The following ROBO2 variants were observed in gnomAD, a reference collection of about 807,000 sequenced individuals.
The protein encoded by ROBO2 is roundabout guidance receptor 2.
A neutral mutation model predicts 160.8 loss-of-function variants in ROBO2; 53 were observed. The observed-to-expected ratio is 0.33, with a 90% CI of 0.26 to 0.41. ROBO2 has a LOEUF of 0.41. Ranked by LOEUF, ROBO2 falls within the 10% of genes least tolerant of loss-of-function variation. The pLI, the probability that ROBO2 is intolerant of heterozygous loss-of-function variation, is 1.00. For missense variants in ROBO2, 1,577 were observed against 1,722.4 expected (o/e 0.92, Z 1.49); for synonymous variants, 664 against 611.7 (o/e 1.09, Z -1.26).
chr3:76,811,885 T>TTC (rs2065222142), intron 2 of ROBO2, among the ~76,000 whole-genome samples: 1 of 114,664 alleles, frequency 8.7e-6, no homozygotes, highest in Non-Finnish European at 1.8e-5. Context: ...TTCCTTCCTT[T>TTC]TTTGAGATGG....
intron 2 of ROBO2, among the ~76,000 whole-genome samples, chr3:75,955,334 A>T (rs770481021): frequency 4.0e-5 from 6 of 151,800 alleles, no homozygotes; most frequent in Non-Finnish European, 7.4e-5. Context: ...AGAACTTTGC[A>T]TAGAATATAA....
intron 2 of ROBO2, among the ~76,000 whole-genome samples, chr3:76,683,547 A>G (rs1003255005): frequency 4.0e-5 from 6 of 151,780 alleles, no homozygotes; most frequent in Admixed American, 3.3e-4. Flanking sequence ...GTTTCTTCAA[A>G]TTCATTACCT....
chr3:75,920,699 A>T (rs142279622), intron 1 of ROBO2, among the ~76,000 whole-genome samples: 1 of 152,092 alleles, frequency 6.6e-6, no homozygotes. Flanking sequence ...TCATTTTATG[A>T]ATCCTGGTGC....
intron 2 of ROBO2, among the ~76,000 whole-genome samples, chr3:76,739,173 A>T: frequency 6.6e-6 from 1 of 152,178 alleles, no homozygotes; most frequent in Non-Finnish European, 1.5e-5. Flanking sequence ...ATAAAGACAC[A>T]CGCACACATA....
At chr3:77,624,837 G>A (rs929038016) in intron 23 of ROBO2, among the ~76,000 whole-genome samples, 4 of 152,052 alleles carry the variant, frequency 2.6e-5, no homozygotes, top group African/African-American at 7.2e-5. Context: ...GGCAGCATGG[G>A]TTACACAGTC....
chr3:77,418,540 A>G (rs2077445595), intron 2 of ROBO2, among the ~76,000 whole-genome samples: 1 of 151,918 alleles, frequency 6.6e-6, no homozygotes, highest in African/African-American at 2.4e-5. Flanking sequence ...TTTCCCTTGG[A>G]GATTCACTAT....
Position 76,283,686 on chromosome 3 carries a change from T to C in ROBO2, c.109+346084T>C, listed in dbSNP as rs572519295. On this transcript the variant is annotated intron_variant, in intron 2 of 26. Coordinates refer to the ROBO2 transcript ENST00000487694. ...TTTCTGAAGGATATGCAGTTCACTT[T>C]TTCGTCAAGAAATGCTAAAATGAAG... Among the ~76,000 whole-genome samples, 7 of 152,146 alleles carry C rather than the reference T, an allele frequency of 4.6e-5. No individual in the cohort carries two copies. The East Asian group carries it at 1.4e-3, about 29-fold the overall frequency.
At chr3:77,294,467 G>T (rs58228436) in intron 2 of ROBO2, among the ~76,000 whole-genome samples, 42,851 of 127,906 alleles carry the variant, frequency 0.34, 8,713 homozygotes, top group Middle Eastern at 0.51. Context: ...AAATTGACGG[G>T]TAAACGGGTA....
At position 77,040,779 on chromosome 3, in the gene ROBO2, T is replaced by A; in HGVS notation, c.-7T>A. ...TAAAGAATCTGGATCCTTTTTAATA[T>A]GTCAAAATGAGTCTGCTGATGTTTA... On this transcript the variant is annotated 5_prime_UTR_variant, in exon 1 of 26. It removes an upstream start codon present in the reference 5' UTR. Transcript: ENST00000461745. The A allele has an allele frequency of 6.2e-7, 1 of 1,614,016 alleles. No individual in the cohort carries two copies. The highest frequency in any genetic ancestry group is 8.5e-7 in the Non-Finnish European group (1 of 1,179,872).
intron 2 of ROBO2, among the ~76,000 whole-genome samples, chr3:76,319,832 CTATTGAATATAGGT>C (rs2072364295): frequency 6.6e-6 from 1 of 151,258 alleles, no homozygotes; most frequent in Non-Finnish European, 1.5e-5. Flanking sequence ...GTATCTTTAG[CTATTGAATATAGGT>C]TATAATTTAG....
At chr3:77,414,569 G>A (rs1276211236) in intron 2 of ROBO2, among the ~76,000 whole-genome samples, 3 of 152,214 alleles carry the variant, frequency 2.0e-5, no homozygotes, top group African/African-American at 7.2e-5. Context: ...CTGAAGCAAA[G>A]TACTTGAGCA....
chr3:75,937,425 A>G, intron 1 of ROBO2: 1 of 952,882 alleles, frequency 1.0e-6, no homozygotes. Flanking sequence ...GTCGTAGTAT[A>G]TTTCTCTAAG....
At chr3:76,780,692 C>A (rs889377760) in intron 2 of ROBO2, among the ~76,000 whole-genome samples, 1 of 150,774 alleles carries the variant, frequency 6.6e-6, no homozygotes, top group Non-Finnish European at 1.5e-5. Flanking sequence ...AGAGACTATC[C>A]TTTCCCCACT....
intron 17 of ROBO2, among the ~76,000 whole-genome samples, chr3:77,590,761 G>T (rs575685677): frequency 1.3e-5 from 2 of 152,126 alleles, no homozygotes; most frequent in South Asian, 4.2e-4. Context: ...AGTTTATACT[G>T]TTAGTAAAAT....
intron 2 of ROBO2, among the ~76,000 whole-genome samples, chr3:77,338,431 C>T (rs1169445684): frequency 2.6e-5 from 4 of 152,004 alleles, no homozygotes; most frequent in East Asian, 1.9e-4. Flanking sequence ...GGAGCAGATG[C>T]GTGTTGTGAA....
chr3:76,536,113 A>C (rs575716836), intron 2 of ROBO2, among the ~76,000 whole-genome samples: 2 of 152,238 alleles, frequency 1.3e-5, no homozygotes, highest in East Asian at 3.9e-4. Context: ...CATTTGAGGC[A>C]AGGTCCTGGG....
chr3:77,096,040 T>C (rs992182963), intron 1 of ROBO2, among the ~76,000 whole-genome samples: 2 of 152,324 alleles, frequency 1.3e-5, no homozygotes, highest in East Asian at 3.9e-4. Context: ...TTTTAAGAGT[T>C]ATTCCTCTTC....
At chr3:76,196,825 C>T (rs1381808649) in intron 2 of ROBO2, among the ~76,000 whole-genome samples, 2 of 152,076 alleles carry the variant, frequency 1.3e-5, no homozygotes, top group Admixed American at 6.6e-5. Flanking sequence ...TGATATGTGA[C>T]ATTAATAGTA....
chr3:76,889,277 A>G (rs1281360295), intron 2 of ROBO2, among the ~76,000 whole-genome samples: 1 of 152,226 alleles, frequency 6.6e-6, no homozygotes, highest in Non-Finnish European at 1.5e-5. Flanking sequence ...AAAGTAACTC[A>G]TAAAAAAGAG....
Sources: allele counts gnomAD v4.1 joint callset (sites outside exome capture counted in the v4.1 genomes callset), GRCh38; gene constraint gnomAD v4.1.1; transcripts MANE v1.5; gene names NCBI Gene and HGNC (gene_info 2026-07-23, HGNC 2026-07-21).